KIRREL3: variants seen among roughly 807,000 people sequenced by gnomAD.
KIRREL3 encodes kirre like nephrin family adhesion molecule 3.
Under a neutral mutation model 89.7 loss-of-function variants are expected in KIRREL3, and 36 were observed. That is an observed-to-expected ratio of 0.40 (90% CI 0.31 to 0.53). KIRREL3 has a LOEUF of 0.53. Ranked by LOEUF, KIRREL3 falls within the 20% of genes least tolerant of loss-of-function variation. The pLI is 0.49. For synonymous variants in KIRREL3, 445 were observed against 441.4 expected (o/e 1.01, Z -0.10); for missense variants, 864 against 1,056.6 (o/e 0.82, Z 2.53).
At chr11:126,547,350 C>G (rs917601748) in intron 2 of KIRREL3, among the ~76,000 whole-genome samples, 2 of 152,214 alleles carry the variant, frequency 1.3e-5, no homozygotes, top group African/African-American at 2.4e-5. Flanking sequence ...GAAAGACTCT[C>G]ATTTTGTTAG....
At chr11:126,777,476 C>A (rs557921220) in intron 1 of KIRREL3, among the ~76,000 whole-genome samples, 1 of 151,834 alleles carries the variant, frequency 6.6e-6, no homozygotes, top group Non-Finnish European at 1.5e-5. Context: ...AGGTTTTACT[C>A]AAAAAAAACC....
rs944330230 is a variant in KIRREL3, at chr11:126,983,448, G to T, written c.55+17007C>A. ...CCCTTTACAGGACAAAAGGGATTTT[G>T]CAGATGTAATTAAGTTAAGGTCTTG... On this transcript the variant is annotated intron_variant, in intron 1 of 16. Transcript: ENST00000525144. The surrounding 1 kb of genome is among the most constrained non-coding windows in gnomAD (Gnocchi z 4.9). 1.3e-5 allele frequency among the ~76,000 whole-genome samples: 2 copies of T among 152,194 alleles called. No individual in the cohort carries two copies. Among genetic ancestry groups the T allele is most frequent in the Non-Finnish European group, 2.9e-5 (2 of 68,036 alleles).
chr11:126,698,830 C>T (rs948710521), intron 1 of KIRREL3, among the ~76,000 whole-genome samples: 9 of 152,188 alleles, frequency 5.9e-5, no homozygotes, highest in Non-Finnish European at 1.3e-4. Flanking sequence ...CAGGTGGCCT[C>T]GTGCACAGAG....
rs78479203 is a variant in KIRREL3 at position 126,571,136 on chromosome 11, C to T, written c.56-8224G>A. Among the ~76,000 whole-genome samples the T allele has an allele frequency of 2.9e-4, 44 of 152,298 alleles. No homozygotes were observed. The highest frequency in any genetic ancestry group is 2.3e-3 in the East Asian group (12 of 5,186). ...CTCTGTCTCCATTCTCTGTGAGATT[C>T]GACTCCCAACCAATTCGGAGTCTCA... is the stretch of plus-strand genomic sequence containing the variant. On this transcript the variant is annotated intron_variant, in intron 1 of 16. Transcript: ENST00000525144. This position sits in a 1 kb window ranked among gnomAD's most constrained non-coding sequence, Gnocchi z 7.7.
intron 1 of KIRREL3, among the ~76,000 whole-genome samples, chr11:126,979,141 G>T (rs991108546): frequency 6.6e-6 from 1 of 152,148 alleles, no homozygotes; most frequent in Non-Finnish European, 1.5e-5. Context: ...TTATCACTCA[G>T]CAAACACTCT....
rs951060925 is a variant in KIRREL3, at chr11:126,676,595, G to A, written c.56-113683C>T. The stretch of plus-strand genomic sequence containing the variant: ...GCAGTCTGTGAATACGTATTCTGAG[G>A]GGTCTTTGAGTTCTCAAGTTCAGGA... On this transcript the variant is annotated intron_variant, in intron 1 of 16. Coordinates refer to ENST00000525144, the MANE Select transcript of KIRREL3 (RefSeq NM_032531.4). This position sits in a 1 kb window ranked among gnomAD's most constrained non-coding sequence, Gnocchi z 4.5. Among the ~76,000 whole-genome samples the A allele has an allele frequency of 6.6e-6, 1 of 152,038 alleles. No homozygotes were observed. The highest frequency in any genetic ancestry group is 6.5e-5 in the Admixed American group (1 of 15,270).
At position 126,990,203 on chromosome 11, in the gene KIRREL3, C is replaced by A. The variant is rs1456830957; in HGVS notation, c.55+10252G>T. Among the ~76,000 whole-genome samples the A allele has an allele frequency of 6.6e-6, 1 of 152,140 alleles. No individual in the cohort carries two copies. Among genetic ancestry groups the A allele is most frequent in the African/African-American group, 2.4e-5 (1 of 41,442 alleles). On this transcript the variant is annotated intron_variant, in intron 1 of 16. Transcript: ENST00000525144. This position sits in a 1 kb window ranked among gnomAD's most constrained non-coding sequence, Gnocchi z 6.3. ...AAACATCATCCCTGTGGCAGGGAAA[C>A]CCGTGTGGTGGGCTGAGCTTCCTCG... is the stretch of plus-strand genomic sequence containing the variant.
At chr11:126,968,501 G>T (rs1420499695) in intron 1 of KIRREL3, among the ~76,000 whole-genome samples, 3 of 152,196 alleles carry the variant, frequency 2.0e-5, no homozygotes, top group Admixed American at 6.5e-5. Flanking sequence ...TTGGGATGAA[G>T]CTGTCTGGGT....
chr11:126,814,051 T>C lies in KIRREL3; in HGVS notation c.55+186404A>G, dbSNP rs552753280. Reference sequence around the variant, plus strand: ...CTAATATCCAGAGTCTACAAGGAACTTAAATTTACAAGAAAAAAAAACCCG... The same window carrying C: ...CTAATATCCAGAGTCTACAAGGAACCTAAATTTACAAGAAAAAAAAACCCG... On this transcript the variant is annotated intron_variant, in intron 1 of 16. Transcript: ENST00000525144. The surrounding 1 kb of genome is among the most constrained non-coding windows in gnomAD (Gnocchi z 4.4). Among the ~76,000 whole-genome samples, 14 of 151,984 alleles carry C rather than the reference T, an allele frequency of 9.2e-5. No individual in the cohort carries two copies. Among genetic ancestry groups the C allele is most frequent in the Non-Finnish European group, 1.8e-4 (12 of 68,002 alleles).
rs1949830078 is a variant in KIRREL3 at position 126,985,294 on chromosome 11, A to G, written c.55+15161T>C. 6.6e-6 allele frequency among the ~76,000 whole-genome samples: 1 copy of G among 152,180 alleles called. No individual in the cohort carries two copies. The highest frequency in any genetic ancestry group is 2.4e-5 in the African/African-American group (1 of 41,452). ...TTCCCATGTAAGAAATACTGATTGT[A>G]TCTGACTCTGCGCCCAAGTCCAACA... On this transcript the variant is annotated intron_variant, in intron 1 of 16. Coordinates refer to ENST00000525144, the MANE Select transcript of KIRREL3 (RefSeq NM_032531.4). This position sits in a 1 kb window ranked among gnomAD's most constrained non-coding sequence, Gnocchi z 5.3.
At chr11:126,467,126 G>A (rs900889244) in intron 5 of KIRREL3, among the ~76,000 whole-genome samples, 13 of 152,250 alleles carry the variant, frequency 8.5e-5, no homozygotes, top group African/African-American at 2.7e-4. Flanking sequence ...GTATGTGCGC[G>A]TACCTGTTTT....
At chr11:126,785,789 G>A (rs961415168) in intron 1 of KIRREL3, among the ~76,000 whole-genome samples, 2 of 144,530 alleles carry the variant, frequency 1.4e-5, no homozygotes, top group Non-Finnish European at 1.5e-5. Flanking sequence ...CAGGGGAATC[G>A]CTTGAACCCA....
rs1025212815 is a variant in KIRREL3 at position 126,682,622 on chromosome 11, G to A, written c.56-119710C>T. ...TTTTCCATGGACCTGGGTAGGGGGTGGTTTCTGGATGAAACTGTTCCATCA... is the reference window on the plus strand; with the variant it reads ...TTTTCCATGGACCTGGGTAGGGGGTAGTTTCTGGATGAAACTGTTCCATCA... On this transcript the variant is annotated intron_variant, in intron 1 of 16. Transcript: ENST00000525144. This position sits in a 1 kb window ranked among gnomAD's most constrained non-coding sequence, Gnocchi z 4.8. Among the ~76,000 whole-genome samples, 1 of 152,030 alleles carries A rather than the reference G, an allele frequency of 6.6e-6. No individual in the cohort carries two copies. Among genetic ancestry groups the A allele is most frequent in the African/African-American group, 2.4e-5 (1 of 41,394 alleles).
At chr11:126,691,523 A>C (rs1946877110) in intron 1 of KIRREL3, among the ~76,000 whole-genome samples, 1 of 152,264 alleles carries the variant, frequency 6.6e-6, no homozygotes, top group Non-Finnish European at 1.5e-5. Context: ...AAGTGCAAAA[A>C]GTCTCAGAAG....
intron 4 of KIRREL3, among the ~76,000 whole-genome samples, chr11:126,478,653 G>GTGTATA (rs1447006556): frequency 7.7e-6 from 1 of 129,082 alleles, no homozygotes; most frequent in Non-Finnish European, 1.5e-5. Flanking sequence ...GTGTATGTAT[G>GTGTATA]TGTATATGTA....
Position 126,844,309 on chromosome 11 carries a change from T to G in KIRREL3, c.55+156146A>C, listed in dbSNP as rs1260339078. Among the ~76,000 whole-genome samples, 2 of 152,002 alleles carry G rather than the reference T, an allele frequency of 1.3e-5. No homozygotes were observed. The highest frequency in any genetic ancestry group is 2.9e-5 in the Non-Finnish European group (2 of 68,004). On this transcript the variant is annotated intron_variant, in intron 1 of 16. Transcript: ENST00000525144. This position sits in a 1 kb window ranked among gnomAD's most constrained non-coding sequence, Gnocchi z 4.8. Reference sequence around the variant, plus strand: ...GTGGGGTCCGGTGACATCTTTCTGGTGACCACAGAAGGGACAATACTAAGG... The same window carrying G: ...GTGGGGTCCGGTGACATCTTTCTGGGGACCACAGAAGGGACAATACTAAGG...
At chr11:126,789,120 C>CTACT in intron 1 of KIRREL3, among the ~76,000 whole-genome samples, 1 of 152,298 alleles carries the variant, frequency 6.6e-6, no homozygotes, top group East Asian at 1.9e-4. Context: ...GGGGCATGGA[C>CTACT]TACTCTTCAT....
At chr11:126,874,062 T>C (rs1402712529) in intron 1 of KIRREL3, among the ~76,000 whole-genome samples, 1 of 152,208 alleles carries the variant, frequency 6.6e-6, no homozygotes, top group African/African-American at 2.4e-5. Flanking sequence ...TGTACTAAGG[T>C]GATGCAAAGG....
At position 126,463,414 on chromosome 11, in the gene KIRREL3, G is replaced by A; in HGVS notation, c.592-107C>T. On this transcript the variant is annotated intron_variant, in intron 5 of 16. Coordinates refer to ENST00000525144, the MANE Select transcript of KIRREL3 (RefSeq NM_032531.4). The surrounding 1 kb of genome is among the most constrained non-coding windows in gnomAD (Gnocchi z 5.9). ...CAGCTTAGACAGAAGGGGGAGCTGTGGATGGAGGGGTTCAGCTTAGGAGAC... is the reference window on the plus strand; with the variant it reads ...CAGCTTAGACAGAAGGGGGAGCTGTAGATGGAGGGGTTCAGCTTAGGAGAC... 1 of 1,144,106 alleles carries A rather than the reference G, an allele frequency of 8.7e-7. No homozygotes were observed. Among genetic ancestry groups the A allele is most frequent in the Non-Finnish European group, 1.2e-6 (1 of 806,754 alleles). 70.9% of individuals were successfully genotyped at this position (1,144,106 alleles called of 1,614,324 possible).
Sources: allele counts gnomAD v4.1 joint callset (sites outside exome capture counted in the v4.1 genomes callset), GRCh38; gene constraint gnomAD v4.1.1; non-coding constraint Gnocchi (gnomAD v3.1); transcripts MANE v1.5; gene names NCBI Gene and HGNC (gene_info 2026-07-23, HGNC 2026-07-21).